The following MAOA variants were observed in gnomAD, a reference collection of about 807,000 sequenced individuals.
MAOA encodes the protein amine oxidase [flavin-containing] A.
Under a neutral mutation model 42.0 loss-of-function variants are expected in MAOA, and 6 were observed. That is an observed-to-expected ratio of 0.14 (90% confidence interval 0.08 to 0.28). The LOEUF (loss-of-function observed/expected upper bound fraction) is 0.28, where lower values mean the gene tolerates loss of function less well. Ranked by LOEUF, MAOA falls within the 10% of genes least tolerant of loss-of-function variation. MAOA has a pLI of 1.00. For synonymous variants in MAOA, 140 were observed against 154.0 expected (o/e 0.91, Z 0.67); for missense variants, 262 against 422.3 (o/e 0.62, Z 3.33).
At position 43,741,908 on chromosome X, in the gene MAOA, C is replaced by A. The variant is rs188395000; in HGVS notation, c.1165-42C>A. Reference sequence around the variant, plus strand: ...ATATTATTGACTCGCAGCATTTCAGCTTTGTTTTCTCTTTTGTATTTTCTT... The same window carrying A: ...ATATTATTGACTCGCAGCATTTCAGATTTGTTTTCTCTTTTGTATTTTCTT... On this transcript the variant is annotated intron_variant, in intron 11 of 14. Coordinates refer to ENST00000338702, the MANE Select transcript of MAOA (RefSeq NM_000240.4). The A allele has an allele frequency of 3.6e-5, 43 of 1,207,182 alleles. No homozygotes were observed. The East Asian group carries it at 1.2e-3, about 33-fold the overall frequency.
At chrX:43,740,499 A>G (rs1329693765) in intron 10 of MAOA, among the ~76,000 whole-genome samples, 182 bp from the exon 11 acceptor site, 2 of 112,013 alleles carry the variant, frequency 1.8e-5, no homozygotes, top group African/African-American at 6.5e-5. Context: ...TTGAAAGTTA[A>G]TTTGAGTGCG....
rs747834638 is a variant in MAOA at position 43,728,334 on chromosome X, G to A, written c.645+20G>A. ...GGCCAGGTATGGTGTGTATGTGTCT[G>A]TTCTGAAACAAGAGCTTCATCTGTG... On this transcript the variant is annotated intron_variant, in intron 6 of 14. Transcript: ENST00000338702. The A allele has an allele frequency of 5.0e-6, 6 of 1,208,930 alleles. No homozygotes were observed. Among genetic ancestry groups the A allele is most frequent in the Non-Finnish European group, 6.7e-6 (6 of 893,203 alleles).
Position 43,731,763 on chromosome X carries a change from G to A in MAOA, c.865G>A (p.Ala289Thr). Residue 289 changes from alanine to threonine, a missense_variant, in exon 8 of 15, where the codon GCA becomes ACA. Physicochemically the swap from Ala to Thr is moderately conservative, Grantham distance 58. Coordinates refer to ENST00000338702, the MANE Select transcript of MAOA (RefSeq NM_000240.4). Reference sequence around the variant, plus strand: ...GATTCACTTCAGACCAGAGCTTCCAGCAGAGAGAAACCAGTTAATTCAGCG... The same window carrying A: ...GATTCACTTCAGACCAGAGCTTCCAACAGAGAGAAACCAGTTAATTCAGCG... ...AKIHFRPELP[A>T]ERNQLIQRLP... 8.3e-7 allele frequency: 1 copy of A among 1,210,282 alleles called. No individual in the cohort carries two copies. The highest frequency in any genetic ancestry group is 1.1e-6 in the Non-Finnish European group (1 of 894,147).
intron 14 of MAOA, 78 bp downstream of exon 14, chrX:43,744,249 C>A: frequency 8.9e-7 from 1 of 1,122,650 alleles, no homozygotes; most frequent in East Asian, 3.0e-5. Flanking sequence ...CTTCTTCTAG[C>A]CTCCGATTTA....
intron 5 of MAOA, among the ~76,000 whole-genome samples, chrX:43,719,432 T>TAG (rs1344894828): frequency 5.4e-5 from 6 of 110,370 alleles, no homozygotes; most frequent in Non-Finnish European, 1.1e-4. Context: ...CAAGGGTGGT[T>TAG]AGAGGTCCGG....
At chrX:43,713,661 T>C (rs2033715919) in intron 5 of MAOA, among the ~76,000 whole-genome samples, 1 of 111,354 alleles carries the variant, frequency 9.0e-6, no homozygotes, top group Non-Finnish European at 1.9e-5. Flanking sequence ...GCCCCTACCC[T>C]CATGGAGTTT....
chrX:43,672,159 A>G (rs1398498396), intron 1 of MAOA, among the ~76,000 whole-genome samples: 1 of 111,409 alleles, frequency 9.0e-6, no homozygotes, highest in Admixed American at 9.6e-5. Context: ...GGTCCTTCAC[A>G]TCCCTTGTAA....
intron 5 of MAOA, among the ~76,000 whole-genome samples, chrX:43,726,754 G>A (rs1048830728): frequency 1.8e-5 from 2 of 111,847 alleles, no homozygotes; most frequent in African/African-American, 3.3e-5. Context: ...GAGAAGAGGC[G>A]TTCTGGTTTT....
intron 1 of MAOA, among the ~76,000 whole-genome samples, chrX:43,668,541 T>C (rs938664425): frequency 8.9e-6 from 1 of 112,470 alleles, no homozygotes; most frequent in African/African-American, 3.2e-5. Context: ...CTGAGTTTAT[T>C]CTGAGTAAAG....
At chrX:43,722,471 G>A (rs1196606540) in intron 5 of MAOA, among the ~76,000 whole-genome samples, 1 of 111,774 alleles carries the variant, frequency 8.9e-6, no homozygotes, top group Non-Finnish European at 1.9e-5. Flanking sequence ...TAAGTTTTTT[G>A]GCTGCATAAA....
intron 1 of MAOA, among the ~76,000 whole-genome samples, chrX:43,680,883 G>A (rs1358554324): frequency 9.0e-6 from 1 of 111,362 alleles, no homozygotes; most frequent in Admixed American, 9.5e-5. Flanking sequence ...TTTCAAAATG[G>A]TAAGTTGATT....
At chrX:43,723,450 A>G (rs2033807533) in intron 5 of MAOA, among the ~76,000 whole-genome samples, 1 of 111,575 alleles carries the variant, frequency 9.0e-6, no homozygotes, top group African/African-American at 3.3e-5. Flanking sequence ...TCTTTGTAGC[A>G]ATTGTGAATA....
chrX:43,689,751 A>T (rs961178670), intron 2 of MAOA, among the ~76,000 whole-genome samples: 7 of 111,359 alleles, frequency 6.3e-5, no homozygotes, highest in Non-Finnish European at 1.3e-4. Context: ...CAGACCTTTT[A>T]TTTGTAACCA....
chrX:43,673,253 G>A (rs1256499224), intron 1 of MAOA, among the ~76,000 whole-genome samples: 1 of 111,291 alleles, frequency 9.0e-6, no homozygotes, highest in African/African-American at 3.3e-5. Flanking sequence ...TTCTCTGATG[G>A]TAGTTTGTAT....
At chrX:43,699,911 G>A (rs1031577794) in intron 3 of MAOA, among the ~76,000 whole-genome samples, 2 of 111,814 alleles carry the variant, frequency 1.8e-5, no homozygotes, top group African/African-American at 3.3e-5. Flanking sequence ...TTGGATATGC[G>A]ACATTTCATT....
rs1056667303 is a variant in MAOA at position 43,707,568 on chromosome X, G to T, written c.307-4304G>T. On this transcript the variant is annotated intron_variant, in intron 3 of 14. Coordinates refer to ENST00000338702, the MANE Select transcript of MAOA (RefSeq NM_000240.4). ...GAGCTTGGATACCTGCATTTGGAAA[G>T]AGGAAGATAATGCTTTTGTAAACTA... 2.7e-5 allele frequency among the ~76,000 whole-genome samples: 3 copies of T among 111,977 alleles called. No homozygotes were observed. In the Admixed American group the frequency reaches 2.8e-4, roughly 11 times the overall value.
chrX:43,731,941 A>G, intron 8 of MAOA, 88 bp downstream of exon 8: 1 of 907,209 alleles, frequency 1.1e-6, no homozygotes, highest in Non-Finnish European at 1.6e-6. Flanking sequence ...TTGAACAGAA[A>G]CAAAGTATTT....
At chrX:43,701,839 G>A (rs1250403884) in intron 3 of MAOA, among the ~76,000 whole-genome samples, 1 of 111,925 alleles carries the variant, frequency 8.9e-6, no homozygotes, top group Non-Finnish European at 1.9e-5. Flanking sequence ...TGAACTCCTG[G>A]AGGTTCTGAC....
chrX:43,710,074 G>C (rs1031833040), intron 3 of MAOA, among the ~76,000 whole-genome samples: 1 of 112,391 alleles, frequency 8.9e-6, no homozygotes, highest in Non-Finnish European at 1.9e-5. Context: ...ATTCTATGAT[G>C]TACTAGCTAC....
Sources: allele counts gnomAD v4.1 joint callset (sites outside exome capture counted in the v4.1 genomes callset), GRCh38; gene constraint gnomAD v4.1.1; transcripts MANE v1.5; gene names NCBI Gene and HGNC (gene_info 2026-07-23, HGNC 2026-07-21).